The following DOCK2 variants were observed in gnomAD, a reference collection of about 807,000 sequenced individuals.
The protein encoded by DOCK2 is dedicator of cytokinesis protein 2.
Under a neutral mutation model 248.9 loss-of-function variants are expected in DOCK2, and 87 were observed. The ratio of observed to expected loss-of-function variants is 0.35; its 90% CI spans 0.29 to 0.42. DOCK2 has a LOEUF of 0.42. Among genes scored for constraint, DOCK2 ranks in the 10% least tolerant of loss-of-function variants. The pLI is 1.00. For missense variants in DOCK2, 1,747 were observed against 2,300.2 expected, an observed-to-expected ratio of 0.76 and a Z score of 4.92; for synonymous variants, 805 against 821.6, an observed-to-expected ratio of 0.98 and a Z score of 0.35.
chr5:169,810,968 CAG>C (rs1767703296), intron 26 of DOCK2, among the ~76,000 whole-genome samples: 1 of 124,810 alleles, frequency 8.0e-6, no homozygotes, highest in Non-Finnish European at 1.7e-5. Flanking sequence ...CACACACACA[CAG>C]ACTCTCTCTC....
At chr5:169,770,481 G>T (rs1457246934) in intron 25 of DOCK2, among the ~76,000 whole-genome samples, 1 of 151,898 alleles carries the variant, frequency 6.6e-6, no homozygotes, top group Non-Finnish European at 1.5e-5. Context: ...AAAAAACTTT[G>T]TAGAGATAGG....
intron 22 of DOCK2, among the ~76,000 whole-genome samples, chr5:169,738,227 G>A (rs928587876): frequency 1.3e-5 from 2 of 152,186 alleles, no homozygotes; most frequent in African/African-American, 4.8e-5. Context: ...AATTTTTAAA[G>A]GATTTTCAAC....
intron 41 of DOCK2, among the ~76,000 whole-genome samples, chr5:170,051,892 A>C (rs1423623273): frequency 6.6e-6 from 1 of 152,238 alleles, no homozygotes; most frequent in Non-Finnish European, 1.5e-5. Flanking sequence ...TAGTACACAG[A>C]AGTCACATGG....
intron 27 of DOCK2, among the ~76,000 whole-genome samples, chr5:169,852,486 C>T (rs1770668336): frequency 6.6e-6 from 1 of 152,192 alleles, no homozygotes; most frequent in African/African-American, 2.4e-5. Flanking sequence ...CAGTGTCCTC[C>T]TTTCCTCAAG....
At chr5:169,877,663 A>G (rs948877453) in intron 27 of DOCK2, among the ~76,000 whole-genome samples, 1 of 152,174 alleles carries the variant, frequency 6.6e-6, no homozygotes, top group Admixed American at 6.5e-5. Context: ...TTTTAGATAG[A>G]TAGATAGATA....
At chr5:169,795,282 C>G (rs1337499118) in intron 25 of DOCK2, among the ~76,000 whole-genome samples, 1 of 152,122 alleles carries the variant, frequency 6.6e-6, no homozygotes, top group Non-Finnish European at 1.5e-5. Flanking sequence ...TATATTTTCT[C>G]CCTTCTAAGA....
intron 45 of DOCK2, among the ~76,000 whole-genome samples, chr5:170,068,905 C>T (rs1757584803): frequency 6.6e-6 from 1 of 152,200 alleles, no homozygotes; most frequent in South Asian, 2.1e-4. Flanking sequence ...AGGAACCTGA[C>T]TTTGAGAACA....
intron 1 of DOCK2, among the ~76,000 whole-genome samples, chr5:169,641,206 CT>C (rs1469637955): frequency 4.6e-5 from 7 of 152,220 alleles, no homozygotes; most frequent in Non-Finnish European, 8.8e-5. Context: ...TCTGTAAAGA[CT>C]GTCTCCAAAT....
chr5:170,028,818 C>T (rs970523438), intron 34 of DOCK2, among the ~76,000 whole-genome samples: 2 of 152,124 alleles, frequency 1.3e-5, no homozygotes, highest in African/African-American at 2.4e-5. Context: ...AGCCCTAGGC[C>T]ACCATTACTC....
rs1757716509 is a variant in DOCK2, at chr5:170,072,571, T to C, written c.4728+3351T>C. 2.0e-5 allele frequency among the ~76,000 whole-genome samples: 3 copies of C among 152,232 alleles called. No homozygotes were observed. The South Asian group carries it at 6.2e-4, about 31-fold the overall frequency. On this transcript the variant is annotated intron_variant, in intron 46 of 51. Transcript: ENST00000520908. ...ATGCAGTAGTGGAATTGCTGGGCCA[T>C]GCACATTTAACCTTACTGGACACAA...
Position 170,034,575 on chromosome 5 carries a change from C to G in DOCK2, c.3624+20C>G. 6.2e-7 allele frequency: 1 copy of G among 1,613,210 alleles called. No homozygotes were observed. Among genetic ancestry groups the G allele is most frequent in the Non-Finnish European group, 8.5e-7 (1 of 1,179,552 alleles). On this transcript the variant is annotated intron_variant, in intron 35 of 51. Transcript: ENST00000520908. The stretch of plus-strand genomic sequence containing the variant: ...CTGCTGGTGCGTGGGGCTGGCGGGT[C>G]CAAGTCAGACCAGAACCCTGTGGGG...
At chr5:169,679,082 G>A (rs1759504927) in intron 6 of DOCK2, among the ~76,000 whole-genome samples, 1 of 152,092 alleles carries the variant, frequency 6.6e-6, no homozygotes, top group Non-Finnish European at 1.5e-5. Flanking sequence ...CAGATTTTTA[G>A]GCTGGCATAT....
intron 27 of DOCK2, among the ~76,000 whole-genome samples, chr5:169,939,859 C>T (rs1776162876): frequency 6.6e-6 from 1 of 152,170 alleles, no homozygotes; most frequent in Non-Finnish European, 1.5e-5. Context: ...GAATAAGGTA[C>T]TTTGCCCTCT....
chr5:169,864,176 G>T, intron 27 of DOCK2: 1 of 1,106,222 alleles, frequency 9.0e-7, no homozygotes, highest in Non-Finnish European at 1.3e-6. Context: ...ACAGCCCAGG[G>T]CCTTTGCAAA....
At chr5:169,969,231 G>T (rs775201443) in intron 27 of DOCK2, among the ~76,000 whole-genome samples, 1 of 151,998 alleles carries the variant, frequency 6.6e-6, no homozygotes, top group Non-Finnish European at 1.5e-5. Context: ...GATCACCTGA[G>T]GTCAGGAGCT....
intron 47 of DOCK2, among the ~76,000 whole-genome samples, chr5:170,077,330 G>A (rs1193790737): frequency 1.3e-5 from 2 of 152,150 alleles, no homozygotes; most frequent in African/African-American, 4.8e-5. Flanking sequence ...CTCCCTGGAG[G>A]TTGAGCTGAT....
At chr5:169,868,733 A>G (rs1200708400) in intron 27 of DOCK2, among the ~76,000 whole-genome samples, 3 of 152,212 alleles carry the variant, frequency 2.0e-5, no homozygotes, top group Admixed American at 2.0e-4. Context: ...ACTCCAGCCC[A>G]GGTGAGAGAT....
At chr5:169,841,535 A>G (rs562055871) in intron 27 of DOCK2, 2 of 811,908 alleles carry the variant, frequency 2.5e-6, no homozygotes, top group South Asian at 5.6e-5. Context: ...AAACCTGCCA[A>G]TGGTTGTCCA....
chr5:169,930,464 T>C (rs1004504410), intron 27 of DOCK2, among the ~76,000 whole-genome samples: 1 of 152,174 alleles, frequency 6.6e-6, no homozygotes, highest in African/African-American at 2.4e-5. Context: ...ACAATTTCCC[T>C]TCTCCTCTGA....
Sources: gnomAD v4.1 joint callset for allele counts (sites outside exome capture counted in the v4.1 genomes callset) on GRCh38, gnomAD v4.1.1 for gene constraint, MANE v1.5 for transcripts, NCBI Gene and HGNC (gene_info 2026-07-23, HGNC 2026-07-21) for gene names.